The following FRMD6 variants were observed in gnomAD, a reference collection of about 807,000 sequenced individuals.
FRMD6 encodes the protein FERM domain containing 6.
Under a neutral mutation model 73.2 loss-of-function variants are expected in FRMD6, and 37 were observed. The observed-to-expected ratio is 0.51, with a 90% CI of 0.39 to 0.66. FRMD6 has a LOEUF of 0.66. FRMD6 is among the 30% of genes least tolerant of loss of function. The pLI is 0.00. For synonymous variants in FRMD6, 273 were observed against 282.2 expected, an observed-to-expected ratio of 0.97 and a Z score of 0.33; for missense variants, 714 against 780.5, an observed-to-expected ratio of 0.91 and a Z score of 1.02.
At chr14:51,560,646 G>A (rs1011924330) in intron 1 of FRMD6, among the ~76,000 whole-genome samples, 4 of 152,126 alleles carry the variant, frequency 2.6e-5, no homozygotes, top group African/African-American at 7.2e-5. Flanking sequence ...CACCATACCC[G>A]GCTAATTTTT....
At chr14:51,419,220 G>T in the FRMD6 span, among the ~76,000 whole-genome samples, 1 of 152,200 alleles carries the variant, frequency 6.6e-6, no homozygotes, top group Non-Finnish European at 1.5e-5. Context: ...GACGAACCAG[G>T]TACCTCAGTT....
chr14:51,459,687 C>T, the FRMD6 span, among the ~76,000 whole-genome samples: 10 of 151,818 alleles, frequency 6.6e-5, no homozygotes, highest in East Asian at 1.4e-3. Context: ...AATAGCCGGG[C>T]GTGGTGGCGG....
At chr14:51,396,497 C>T in the FRMD6 span, among the ~76,000 whole-genome samples, 1 of 152,100 alleles carries the variant, frequency 6.6e-6, no homozygotes, top group Non-Finnish European at 1.5e-5. Flanking sequence ...AATCTGTGGG[C>T]TCCTGGTGCC....
chr14:51,609,775 G>A (rs1458285320), intron 2 of FRMD6, among the ~76,000 whole-genome samples: 1 of 152,182 alleles, frequency 6.6e-6, no homozygotes, highest in Non-Finnish European at 1.5e-5. Context: ...CACCTGTCAT[G>A]TTAAGGATTA....
intron 1 of FRMD6, among the ~76,000 whole-genome samples, chr14:51,550,587 C>CCCT (rs1491079768): frequency 4.1e-5 from 6 of 147,722 alleles, no homozygotes; most frequent in Non-Finnish European, 6.1e-5. Context: ...GAGACCCCCC[C>CCCT]GCCATGCTTA....
chr14:51,514,336 G>A (rs2140269369), intron 1 of FRMD6, among the ~76,000 whole-genome samples: 1 of 151,946 alleles, frequency 6.6e-6, no homozygotes, highest in East Asian at 1.9e-4. Flanking sequence ...TCACACACTA[G>A]GGCCTGTTGG....
chr14:51,569,999 TAG>T (rs1224012313), intron 1 of FRMD6, among the ~76,000 whole-genome samples: 2 of 151,992 alleles, frequency 1.3e-5, no homozygotes, highest in South Asian at 2.1e-4. Flanking sequence ...GTATTTTTAG[TAG>T]AGACGGGGTT....
the FRMD6 span, among the ~76,000 whole-genome samples, chr14:51,427,562 T>A: frequency 1.3e-5 from 2 of 152,206 alleles, no homozygotes; most frequent in African/African-American, 4.8e-5. Flanking sequence ...TATGCAAACA[T>A]TGAGACTTAG....
At chr14:51,428,815 C>G in the FRMD6 span, among the ~76,000 whole-genome samples, 1 of 152,038 alleles carries the variant, frequency 6.6e-6, no homozygotes, top group Non-Finnish European at 1.5e-5. Context: ...AACACTAAGC[C>G]TGGTCCTTAA....
chr14:51,446,749 T>C, the FRMD6 span, among the ~76,000 whole-genome samples: 2 of 152,124 alleles, frequency 1.3e-5, no homozygotes, highest in Non-Finnish European at 2.9e-5. Context: ...AAACCTGTGA[T>C]TGGGGTGAGG....
At chr14:51,693,967 A>G (rs1895775962) in intron 2 of FRMD6, among the ~76,000 whole-genome samples, 1 of 152,216 alleles carries the variant, frequency 6.6e-6, no homozygotes, top group Admixed American at 6.5e-5. Flanking sequence ...ATAGCAGTCA[A>G]TGTGTATAGA....
At chr14:51,718,795 CATAG>C (rs1294029620) in intron 10 of FRMD6, among the ~76,000 whole-genome samples, 1 of 152,208 alleles carries the variant, frequency 6.6e-6, no homozygotes, top group Non-Finnish European at 1.5e-5. Flanking sequence ...GAAATGTGCA[CATAG>C]CCTTCTCCAA....
chr14:51,573,584 C>T (rs144767623), intron 2 of FRMD6, among the ~76,000 whole-genome samples: 13 of 152,296 alleles, frequency 8.5e-5, no homozygotes, highest in East Asian at 3.9e-4. Flanking sequence ...CTACATTAGG[C>T]TGAAGCAGTA....
intron 11 of FRMD6, among the ~76,000 whole-genome samples, chr14:51,721,713 A>G (rs1317786322): frequency 8.2e-6 from 1 of 121,458 alleles, no homozygotes; most frequent in Non-Finnish European, 1.8e-5. Flanking sequence ...GAAGGAAGGA[A>G]GGAAGGGAGG....
the FRMD6 span, among the ~76,000 whole-genome samples, chr14:51,406,578 T>G: frequency 6.6e-6 from 1 of 152,306 alleles, no homozygotes; most frequent in East Asian, 1.9e-4. Context: ...AGTCATTTTG[T>G]GGCAATTGTG....
chr14:51,625,725 T>C (rs1181566881), intron 2 of FRMD6, among the ~76,000 whole-genome samples: 1 of 152,168 alleles, frequency 6.6e-6, no homozygotes, highest in Non-Finnish European at 1.5e-5. Context: ...TGTTCTTCCC[T>C]CTCTTCTCTG....
At chr14:51,715,688 T>C (rs9323218) in intron 10 of FRMD6, among the ~76,000 whole-genome samples, 189 bp downstream of exon 10, 103,979 of 152,100 alleles carry the variant, frequency 0.68, 35,772 homozygotes, top group Non-Finnish European at 0.7. Context: ...CCCCACCTAC[T>C]GTAGCACTTA....
chr14:51,425,719 A>C, the FRMD6 span, among the ~76,000 whole-genome samples: 1 of 152,170 alleles, frequency 6.6e-6, no homozygotes, highest in Admixed American at 6.5e-5. Context: ...GCCTGCACAG[A>C]TAACCTACCC....
At chr14:51,675,338 A>AGAGCACGTT (rs1241749608) in intron 1 of FRMD6, among the ~76,000 whole-genome samples, 2 of 152,128 alleles carry the variant, frequency 1.3e-5, no homozygotes, top group Non-Finnish European at 2.9e-5. Flanking sequence ...TGGTCTCCTT[A>AGAGCACGTT]GAGCACGTTG....
Sources: allele counts gnomAD v4.1 joint callset (sites outside exome capture counted in the v4.1 genomes callset), GRCh38; gene constraint gnomAD v4.1.1; transcripts MANE v1.5; gene names NCBI Gene and HGNC (gene_info 2026-07-23, HGNC 2026-07-21).